The following CBLN2 variants were observed in gnomAD, a reference collection of about 807,000 sequenced individuals.
CBLN2 encodes the protein cerebellin 2 precursor, also known as cerebellin-2.
Under a neutral mutation model 15.0 loss-of-function variants are expected in CBLN2, and 7 were observed. The observed-to-expected ratio is 0.47, with a 90% CI of 0.27 to 0.88. The LOEUF (loss-of-function observed/expected upper bound fraction) is 0.88, where lower values mean the gene tolerates loss of function less well. Ranked by LOEUF, CBLN2 falls within the 40% of genes least tolerant of loss-of-function variation. The pLI is 0.14. For synonymous variants in CBLN2, 149 were observed against 135.2 expected (o/e 1.10, Z -0.71); for missense variants, 242 against 304.5 (o/e 0.79, Z 1.53).
At chr18:72,627,798 A>C (rs2069750180) in intron 1 of CBLN2, among the ~76,000 whole-genome samples, 1 of 152,056 alleles carries the variant, frequency 6.6e-6, no homozygotes, top group African/African-American at 2.4e-5. Context: ...TTTGTGCTAC[A>C]AGTGTTAAAA....
At chr18:72,604,545 T>C (rs1344377606) in intron 1 of CBLN2, among the ~76,000 whole-genome samples, 1 of 152,200 alleles carries the variant, frequency 6.6e-6, no homozygotes, top group Non-Finnish European at 1.5e-5. Flanking sequence ...TCTCCAAAAC[T>C]CGTGTTGAAA....
chr18:72,566,009 G>A (rs891483012), intron 1 of CBLN2, among the ~76,000 whole-genome samples: 2 of 152,050 alleles, frequency 1.3e-5, no homozygotes, highest in East Asian at 3.9e-4. Context: ...GAGCAAAAGA[G>A]CTAAGTAGAC....
chr18:72,632,910 G>A (rs1280755825), intron 1 of CBLN2, among the ~76,000 whole-genome samples: 3 of 152,054 alleles, frequency 2.0e-5, no homozygotes, highest in African/African-American at 4.8e-5. Context: ...CCACACCCCT[G>A]GTAATTAGTA....
At chr18:72,564,316 C>T (rs1405467674) in intron 1 of CBLN2, among the ~76,000 whole-genome samples, 1 of 152,022 alleles carries the variant, frequency 6.6e-6, no homozygotes, top group African/African-American at 2.4e-5. Context: ...ATGGAAATAA[C>T]TTATTATTTC....
chr18:72,539,284 A>C (rs2069091551), intron 3 of CBLN2: 1 of 155,416 alleles, frequency 6.4e-6, no homozygotes, highest in Non-Finnish European at 1.4e-5. Flanking sequence ...CTGTAAGTTC[A>C]AGCTTGGGAC....
intron 1 of CBLN2, among the ~76,000 whole-genome samples, chr18:72,617,077 C>G (rs1420441017): frequency 6.6e-6 from 1 of 152,072 alleles, no homozygotes; most frequent in South Asian, 2.1e-4. Context: ...CCCACCACAC[C>G]TGGCTGACTT....
chr18:72,550,287 A>T (rs905377373), intron 1 of CBLN2, among the ~76,000 whole-genome samples: 1 of 152,242 alleles, frequency 6.6e-6, no homozygotes, highest in African/African-American at 2.4e-5. Context: ...CTCTCCAATA[A>T]GCCTAAACAT....
chr18:72,586,927 A>T (rs1231192408), intron 1 of CBLN2, among the ~76,000 whole-genome samples: 1 of 152,058 alleles, frequency 6.6e-6, no homozygotes, highest in Non-Finnish European at 1.5e-5. Flanking sequence ...AAAATTTTCA[A>T]ATGTTCATAC....
intron 4 of CBLN2, 57 bp from the exon 5 acceptor site, chr18:72,538,430 G>A (rs1489634136): frequency 1.3e-6 from 2 of 1,576,298 alleles, no homozygotes; most frequent in African/African-American, 2.7e-5. Context: ...CCCACACACT[G>A]TTCTCTCCTT....
chr18:72,579,329 T>G lies in CBLN2; in HGVS notation c.16-40557A>C, dbSNP rs142344054. ...ATAACTCGCCATAATTAAAATGATT[T>G]ATTTGCTTGATTTAATGCTTTTAGA... On this transcript the variant is annotated intron_variant, in intron 1 of 2. Coordinates refer to the CBLN2 transcript ENST00000581073. 9.7e-3 allele frequency among the ~76,000 whole-genome samples: 1,474 copies of G among 152,310 alleles called. 16 individuals carry two copies. Among genetic ancestry groups the G allele is most frequent in the Non-Finnish European group, 0.013 (881 of 68,022 alleles).
intron 1 of CBLN2, among the ~76,000 whole-genome samples, chr18:72,594,627 T>G (rs1316106015): frequency 6.6e-6 from 1 of 152,148 alleles, no homozygotes; most frequent in African/African-American, 2.4e-5. Flanking sequence ...CTTTAGATGT[T>G]TGGTAAAATT....
At chr18:72,558,843 C>T (rs533664898) in intron 1 of CBLN2, among the ~76,000 whole-genome samples, 10 of 152,068 alleles carry the variant, frequency 6.6e-5, no homozygotes, top group Non-Finnish European at 1.5e-4. Context: ...CACTTGAGCC[C>T]GGGAGTTCAA....
At chr18:72,560,094 G>T (rs547247718) in intron 1 of CBLN2, among the ~76,000 whole-genome samples, 1 of 152,250 alleles carries the variant, frequency 6.6e-6, no homozygotes, top group African/African-American at 2.4e-5. Flanking sequence ...ATTTTTCACT[G>T]TTTACTTGCT....
chr18:72,591,645 C>T (rs2069480380), intron 1 of CBLN2, among the ~76,000 whole-genome samples: 2 of 152,050 alleles, frequency 1.3e-5, no homozygotes, highest in South Asian at 4.1e-4. Flanking sequence ...CCCCATGTCC[C>T]CACTACCCTT....
intron 1 of CBLN2, among the ~76,000 whole-genome samples, chr18:72,560,700 T>C (rs2069254443): frequency 2.0e-5 from 3 of 152,156 alleles, no homozygotes; most frequent in Non-Finnish European, 4.4e-5. Flanking sequence ...AAGGCTTACA[T>C]TGGTATGAAT....
chr18:72,559,268 C>T (rs779877545), intron 1 of CBLN2, among the ~76,000 whole-genome samples: 1 of 152,250 alleles, frequency 6.6e-6, no homozygotes, highest in Non-Finnish European at 1.5e-5. Flanking sequence ...CACTGACTTC[C>T]CTTCAGGATT....
intron 1 of CBLN2, among the ~76,000 whole-genome samples, chr18:72,555,740 T>C (rs1462034488): frequency 1.3e-5 from 2 of 152,158 alleles, no homozygotes; most frequent in African/African-American, 2.4e-5. Context: ...TTCATGACCT[T>C]GTAGCAAAGT....
intron 1 of CBLN2, among the ~76,000 whole-genome samples, chr18:72,567,305 G>A (rs2069301530): frequency 6.6e-6 from 1 of 150,620 alleles, no homozygotes; most frequent in Admixed American, 6.6e-5. Context: ...AGATTAAAAT[G>A]TGAATTCTTT....
upstream of CBLN2, among the ~76,000 whole-genome samples, chr18:72,547,441 G>A (rs1267438368): frequency 6.6e-6 from 1 of 152,050 alleles, no homozygotes; most frequent in Non-Finnish European, 1.5e-5. Flanking sequence ...AACGGCACAT[G>A]TACCCCCTAA....
Sources: allele counts gnomAD v4.1 joint callset (sites outside exome capture counted in the v4.1 genomes callset), GRCh38; gene constraint gnomAD v4.1.1; transcripts MANE v1.5; gene names NCBI Gene and HGNC (gene_info 2026-07-23, HGNC 2026-07-21).